Variants in UGT1A8 observed in about 807,000 individuals in gnomAD.
UGT1A8 encodes the protein UDP-glucuronosyltransferase 1A8.
In UGT1A8, 39 loss-of-function variants were observed where a neutral mutation model predicts 45.3. The ratio of observed to expected loss-of-function variants is 0.86; its 90% CI spans 0.67 to 1.12. The LOEUF (loss-of-function observed/expected upper bound fraction) is 1.12, where lower values mean the gene tolerates loss of function less well. UGT1A8 is among the 50% of genes most tolerant of loss of function. The pLI is 0.00. For synonymous variants in UGT1A8, 275 were observed against 249.2 expected (o/e 1.10, Z -0.97); for missense variants, 719 against 664.9 (o/e 1.08, Z -0.90).
chr2:233,720,877 T>C (rs1220969089), intron 1 of UGT1A8, among the ~76,000 whole-genome samples: 1 of 150,532 alleles, frequency 6.6e-6, no homozygotes, highest in Non-Finnish European at 1.5e-5. Context: ...GGCAATTTTT[T>C]TTTTTTTTTT....
At chr2:233,721,966 T>C (rs1022053343) in intron 1 of UGT1A8, 4 of 298,750 alleles carry the variant, frequency 1.3e-5, no homozygotes, top group Admixed American at 7.9e-5. Flanking sequence ...TATGCATACA[T>C]TGATGGCCTG....
intron 1 of UGT1A8, among the ~76,000 whole-genome samples, chr2:233,724,143 G>C: frequency 8.2e-6 from 1 of 122,326 alleles, no homozygotes; most frequent in African/African-American, 3.7e-5. Flanking sequence ...GGACGGGGCG[G>C]CTGGCCGGGT....
intron 1 of UGT1A8, chr2:233,693,974 C>A: frequency 6.4e-7 from 1 of 1,566,540 alleles, no homozygotes; most frequent in Non-Finnish European, 8.6e-7. Context: ...CCTGGAGAAA[C>A]GGTGGGGGGA....
At chr2:233,682,225 T>C in intron 1 of UGT1A8, 1 of 1,614,246 alleles carries the variant, frequency 6.2e-7, no homozygotes, top group Non-Finnish European at 8.5e-7. Flanking sequence ...TTGCCGATGC[T>C]CGCTGGACGG....
intron 1 of UGT1A8, chr2:233,729,238 G>A: frequency 6.2e-7 from 1 of 1,614,214 alleles, no homozygotes; most frequent in Non-Finnish European, 8.5e-7. Flanking sequence ...GCCCATTGAT[G>A]GCAGCCACTG....
intron 1 of UGT1A8, among the ~76,000 whole-genome samples, chr2:233,646,119 C>A (rs1462274348): frequency 6.6e-6 from 1 of 152,236 alleles, no homozygotes; most frequent in Non-Finnish European, 1.5e-5. Flanking sequence ...TCGGCACTTG[C>A]ACCTTCTGAA....
At chr2:233,702,203 T>C (rs1322988594) in intron 1 of UGT1A8, among the ~76,000 whole-genome samples, 1 of 152,208 alleles carries the variant, frequency 6.6e-6, no homozygotes, top group Non-Finnish European at 1.5e-5. Context: ...TGGCAGCCAT[T>C]AATCAACTTT....
intron 1 of UGT1A8, chr2:233,682,258 T>C: frequency 6.2e-7 from 1 of 1,614,214 alleles, no homozygotes; most frequent in South Asian, 1.1e-5. Flanking sequence ...GTGCATTTTC[T>C]CTATTAACAA....
chr2:233,758,756 G>A (rs1321245048), intron 1 of UGT1A8, among the ~76,000 whole-genome samples: 1 of 152,198 alleles, frequency 6.6e-6, no homozygotes, highest in Non-Finnish European at 1.5e-5. Context: ...GGCCAGTGAT[G>A]TGTATGGTTC....
At chr2:233,631,958 A>T (rs1479748382) in intron 1 of UGT1A8, among the ~76,000 whole-genome samples, 1 of 152,098 alleles carries the variant, frequency 6.6e-6, no homozygotes, top group Admixed American at 6.5e-5. Flanking sequence ...TAGAGTTTTC[A>T]TGGTTTTAGG....
At chr2:233,693,594 CA>C in intron 1 of UGT1A8, 1 of 1,614,202 alleles carries the variant, frequency 6.2e-7, no homozygotes, top group Middle Eastern at 1.6e-4. Context: ...AGGTGCTACA[CA>C]AAGTTTTCAG....
In UGT1A8 at chr2:233,719,438, A is replaced by C. The variant is rs755711754; in HGVS notation, c.856-47596A>C. 1.9e-6 allele frequency: 3 copies of C among 1,613,802 alleles called. No homozygotes were observed. In the African/African-American group the frequency reaches 4.0e-5, roughly 22 times the overall value. ...TAACGACCAATTCAGACCACATGAC[A>C]TTCCTGCAAAGGGTCAAGAACATGC... On this transcript the variant is annotated intron_variant, in intron 1 of 4. Transcript: ENST00000373450.
chr2:233,767,352 C>A (rs1699374337), intron 2 of UGT1A8, among the ~76,000 whole-genome samples, 187 bp downstream of exon 2: 1 of 152,112 alleles, frequency 6.6e-6, no homozygotes, highest in African/African-American at 2.4e-5. Context: ...ATTTGACTCT[C>A]AAATACTCTA....
intron 1 of UGT1A8, chr2:233,743,961 G>C (rs1220735729): frequency 1.5e-6 from 2 of 1,333,366 alleles, no homozygotes; most frequent in East Asian, 4.6e-5. Context: ...ACAGCGAGCG[G>C]CAAGGCTGCC....
intron 1 of UGT1A8, among the ~76,000 whole-genome samples, chr2:233,762,453 A>T (rs1302924421): frequency 6.6e-6 from 1 of 152,204 alleles, no homozygotes; most frequent in Non-Finnish European, 1.5e-5. Flanking sequence ...CTGCCCACTT[A>T]CCGATAATGT....
chr2:233,747,354 G>T (rs753872482), intron 1 of UGT1A8: 336 of 1,602,388 alleles, frequency 2.1e-4, no homozygotes, highest in Admixed American at 4.5e-4. Context: ...GCGGGAGGCC[G>T]TGCGGGAGCT....
chr2:233,663,024 A>C (rs1264403532), intron 1 of UGT1A8, among the ~76,000 whole-genome samples: 1 of 152,186 alleles, frequency 6.6e-6, no homozygotes, highest in African/African-American at 2.4e-5. Flanking sequence ...TTAGGTGCAC[A>C]GTTCAGTATC....
intron 1 of UGT1A8, chr2:233,672,369 G>A (rs928548039): frequency 1.2e-6 from 2 of 1,614,104 alleles, no homozygotes; most frequent in Admixed American, 3.3e-5. Flanking sequence ...TTGATGCAGT[G>A]TTTCTCGATC....
intron 1 of UGT1A8, among the ~76,000 whole-genome samples, chr2:233,738,389 G>A (rs1690778060): frequency 6.6e-6 from 1 of 152,226 alleles, no homozygotes; most frequent in Non-Finnish European, 1.5e-5. Context: ...AAATGTGGAA[G>A]TGACTTGGAA....
Sources: gnomAD v4.1 joint callset for allele counts (sites outside exome capture counted in the v4.1 genomes callset) on GRCh38, gnomAD v4.1.1 for gene constraint, MANE v1.5 for transcripts, NCBI Gene and HGNC (gene_info 2026-07-23, HGNC 2026-07-21) for gene names.